TRPC4AP: variants seen among roughly 807,000 people sequenced by gnomAD.
The protein encoded by TRPC4AP is transient receptor potential cation channel subfamily C member 4 associated protein, also known as short transient receptor potential channel 4-associated protein.
TRPC4AP carries 45 observed loss-of-function variants against 99.0 expected under a neutral mutation model. The ratio of observed to expected loss-of-function variants is 0.45; its 90% CI spans 0.36 to 0.58. The LOEUF (loss-of-function observed/expected upper bound fraction) is 0.58. TRPC4AP is among the 20% of genes least tolerant of loss of function. TRPC4AP has a pLI of 0.00. For missense variants in TRPC4AP, 879 were observed against 985.3 expected, an observed-to-expected ratio of 0.89 and a Z score of 1.44; for synonymous variants, 408 against 385.8, an observed-to-expected ratio of 1.06 and a Z score of -0.67.
intron 9 of TRPC4AP, 138 bp downstream of exon 9, chr20:35,021,052 G>T: frequency 1.1e-6 from 1 of 912,794 alleles, no homozygotes; most frequent in Non-Finnish European, 1.6e-6. Flanking sequence ...AGGTAGAACA[G>T]AAGGAGAAAT....
chr20:35,053,325 A>C (rs2083747702), intron 5 of TRPC4AP, among the ~76,000 whole-genome samples: 1 of 152,034 alleles, frequency 6.6e-6, no homozygotes. Flanking sequence ...CCATTAATCA[A>C]CTTCTCTTCA....
At chr20:35,030,438 C>T (rs2083160706) in intron 8 of TRPC4AP, 1 of 152,034 alleles carries the variant, frequency 6.6e-6, no homozygotes. Flanking sequence ...TTTATTCTAA[C>T]TTAGAGCTCC....
At chr20:35,011,485 A>G (rs991190202) in intron 11 of TRPC4AP, among the ~76,000 whole-genome samples, 1 of 152,188 alleles carries the variant, frequency 6.6e-6, no homozygotes, top group Non-Finnish European at 1.5e-5. Context: ...GCTGCAGCTC[A>G]GTGCCCAGCA....
chr20:35,055,830 G>C (rs1226491576), intron 4 of TRPC4AP, among the ~76,000 whole-genome samples: 1 of 152,118 alleles, frequency 6.6e-6, no homozygotes, highest in Non-Finnish European at 1.5e-5. Flanking sequence ...CTTAATGTCT[G>C]ATCTATTACT....
At chr20:35,065,425 T>C (rs1395287700) in intron 3 of TRPC4AP, among the ~76,000 whole-genome samples, 1 of 152,158 alleles carries the variant, frequency 6.6e-6, no homozygotes, top group Admixed American at 6.5e-5. Context: ...TAAGACACAC[T>C]TTTCACAGTC....
At position 35,071,512 on chromosome 20, in the gene TRPC4AP, A is replaced by G. The variant is rs932939323; in HGVS notation, c.298-2100T>C. 5.1e-5 allele frequency among the ~76,000 whole-genome samples: 7 copies of G among 138,566 alleles called. No individual in the cohort carries two copies. The South Asian group carries it at 1.6e-3, about 32-fold the overall frequency. The allele number at this position is 138,566 out of a possible 152,430, so 90.9% of individuals were successfully genotyped here. A position where few individuals can be genotyped will look rare whatever the true frequency, so the allele number is the denominator to read the frequency against. On this transcript the variant is annotated intron_variant, in intron 2 of 18. Transcript: ENST00000252015. Reference sequence around the variant, plus strand: ...TGTTCTCATTGCTCAATTCCCACCTATGAGTGAGAACACACGGTGTTTGGT... The same window carrying G: ...TGTTCTCATTGCTCAATTCCCACCTGTGAGTGAGAACACACGGTGTTTGGT...
At chr20:35,028,388 G>A (rs1004735375) in intron 8 of TRPC4AP, among the ~76,000 whole-genome samples, 28 of 151,836 alleles carry the variant, frequency 1.8e-4, no homozygotes, top group African/African-American at 5.8e-4. Context: ...CACCGCGCCC[G>A]GCCTCAAGAC....
At chr20:35,007,506 T>TG in intron 14 of TRPC4AP, 44 bp downstream of exon 14, 3 of 1,598,032 alleles carry the variant, frequency 1.9e-6, no homozygotes, top group Non-Finnish European at 1.7e-6. Context: ...ACGCGTGGGC[T>TG]GGGGGGAGAC....
At chr20:35,023,372 C>T (rs1006086661) in intron 8 of TRPC4AP, among the ~76,000 whole-genome samples, 6 of 152,164 alleles carry the variant, frequency 3.9e-5, no homozygotes, top group Admixed American at 6.5e-5. Context: ...CCCAAGTAAG[C>T]AACATACAAT....
At chr20:35,029,778 G>A (rs28820635) in intron 8 of TRPC4AP, among the ~76,000 whole-genome samples, 27,100 of 147,860 alleles carry the variant, frequency 0.18, 2,546 homozygotes, top group Middle Eastern at 0.34. Context: ...TGGGACTACA[G>A]GCGCCCGCCA....
At chr20:35,057,190 A>T (rs187903401) in intron 4 of TRPC4AP, among the ~76,000 whole-genome samples, 138 of 152,038 alleles carry the variant, frequency 9.1e-4, no homozygotes, top group South Asian at 2.9e-3. Flanking sequence ...AAAATAGTTT[A>T]AAAAAAATAA....
At chr20:35,059,988 G>C (rs1260841442) in intron 3 of TRPC4AP, among the ~76,000 whole-genome samples, 1 of 151,918 alleles carries the variant, frequency 6.6e-6, no homozygotes, top group Non-Finnish European at 1.5e-5. Flanking sequence ...AGTAGAGACT[G>C]ACTTAGTGAT....
chr20:35,025,337 T>C (rs1194880921), intron 8 of TRPC4AP, among the ~76,000 whole-genome samples: 1 of 152,120 alleles, frequency 6.6e-6, no homozygotes, highest in Admixed American at 6.6e-5. Context: ...CGTGCCACCA[T>C]GCCTGGCTAA....
intron 13 of TRPC4AP, 150 bp from the exon 14 acceptor site, chr20:35,007,790 G>T: frequency 1.3e-6 from 1 of 794,490 alleles, no homozygotes. Flanking sequence ...CCTGGGCCTG[G>T]GGACACAGCA....
Position 35,002,568 on chromosome 20 carries a change from G to T in TRPC4AP, c.*578C>A. Reference sequence around the variant, plus strand: ...CTGCCCCGTGCCCCAAGGGATGGAGGGAAAGGCCCCTCACTTCTGGGAGAA... The same window carrying T: ...CTGCCCCGTGCCCCAAGGGATGGAGTGAAAGGCCCCTCACTTCTGGGAGAA... On this transcript the variant is annotated 3_prime_UTR_variant, in exon 19 of 19. Coordinates refer to ENST00000252015, the MANE Select transcript of TRPC4AP (RefSeq NM_015638.3). The T allele has an allele frequency of 5.0e-6, 1 of 201,352 alleles. No individual in the cohort carries two copies. The highest frequency in any genetic ancestry group is 5.8e-5 in the Admixed American group (1 of 17,280). 12.5% of individuals were successfully genotyped at this position (201,352 alleles called of 1,614,324 possible).
intron 15 of TRPC4AP, 23 bp from the exon 16 acceptor site, chr20:35,005,826 G>T: frequency 6.2e-7 from 1 of 1,610,288 alleles, no homozygotes; most frequent in Non-Finnish European, 8.5e-7. Flanking sequence ...CAAGCTCACA[G>T]CAGGCAGTGG....
rs1024481622 is a variant in TRPC4AP, at chr20:35,013,509, C to T, written c.1351-443G>A. 5.3e-5 allele frequency among the ~76,000 whole-genome samples: 8 copies of T among 151,984 alleles called. No homozygotes were observed. The East Asian group carries it at 9.7e-4, about 18-fold the overall frequency. On this transcript the variant is annotated intron_variant, in intron 10 of 18. Transcript: ENST00000252015. ...AGGAGAATCACTTGAACCTGGGAGGCGGAAGTTGCAGTGAGCCGAGATCGC... is the reference window on the plus strand; with the variant it reads ...AGGAGAATCACTTGAACCTGGGAGGTGGAAGTTGCAGTGAGCCGAGATCGC...
chr20:35,024,664 T>C (rs2078690661), intron 8 of TRPC4AP, among the ~76,000 whole-genome samples: 1 of 151,442 alleles, frequency 6.6e-6, no homozygotes, highest in Admixed American at 6.6e-5. Flanking sequence ...TCTCTTTTTA[T>C]TACAAAAAAT....
chr20:35,082,003 A>C lies in TRPC4AP; in HGVS notation c.169-3829T>G, dbSNP rs552279999. On this transcript the variant is annotated intron_variant, in intron 1 of 18. Coordinates refer to ENST00000252015, the MANE Select transcript of TRPC4AP (RefSeq NM_015638.3). Reference sequence around the variant, plus strand: ...CTGTCTCAAAAACAAAACAAAACAAAAACAACAACAACAACAAAGTACTAC... The same window carrying C: ...CTGTCTCAAAAACAAAACAAAACAACAACAACAACAACAACAAAGTACTAC... Among the ~76,000 whole-genome samples the C allele has an allele frequency of 3.9e-5, 6 of 152,192 alleles. No individual in the cohort carries two copies. In the South Asian group the frequency reaches 6.2e-4, roughly 16 times the overall value.
Sources: gnomAD v4.1 joint callset for allele counts (sites outside exome capture counted in the v4.1 genomes callset) on GRCh38, gnomAD v4.1.1 for gene constraint, MANE v1.5 for transcripts, NCBI Gene and HGNC (gene_info 2026-07-23, HGNC 2026-07-21) for gene names.